Variants in EYA1 observed in about 807,000 individuals in gnomAD.
The protein encoded by EYA1 is EYA transcriptional coactivator and phosphatase 1.
Under a neutral mutation model 82.0 loss-of-function variants are expected in EYA1, and 16 were observed. That is an observed-to-expected ratio of 0.20 (90% CI 0.13 to 0.30). The LOEUF is 0.30. Ranked by LOEUF, EYA1 falls within the 10% of genes least tolerant of loss-of-function variation. The pLI is 1.00. For missense variants in EYA1, 633 were observed against 730.7 expected (o/e 0.87, Z 1.54); for synonymous variants, 261 against 264.4 (o/e 0.99, Z 0.12).
chr8:71,278,767 A>G (rs1312368962), intron 9 of EYA1, among the ~76,000 whole-genome samples: 1 of 152,198 alleles, frequency 6.6e-6, no homozygotes, highest in Non-Finnish European at 1.5e-5. Context: ...AGATTTAGAG[A>G]TAAGTGTTCA....
intron 11 of EYA1, among the ~76,000 whole-genome samples, chr8:71,245,443 A>G (rs1203320374): frequency 6.6e-6 from 1 of 151,464 alleles, no homozygotes; most frequent in East Asian, 1.9e-4. Context: ...GTTGGCCAGG[A>G]TGGTCTTGAT....
intron 12 of EYA1, among the ~76,000 whole-genome samples, chr8:71,233,347 G>A (rs1474527429): frequency 2.6e-5 from 4 of 151,928 alleles, no homozygotes; most frequent in Admixed American, 6.6e-5. Context: ...GGCAGATCAC[G>A]AGGTCAGGAG....
chr8:71,270,856 C>T (rs1238226481), intron 10 of EYA1, among the ~76,000 whole-genome samples: 9 of 151,980 alleles, frequency 5.9e-5, no homozygotes, highest in African/African-American at 1.9e-4. Context: ...CGTGGTGGCT[C>T]GTGCCTGTAA....
Position 71,240,529 on chromosome 8 carries a change from C to T in EYA1, c.1140+4074G>A, listed in dbSNP as rs193091757. On this transcript the variant is annotated intron_variant, in intron 12 of 17. Transcript: ENST00000340726. ...TTCATGTGCCACCATCTCACAGACA[C>T]GAGAGGAGGGTTCCCACTCTTCCCA... 7.2e-5 allele frequency among the ~76,000 whole-genome samples: 11 copies of T among 152,200 alleles called. 1 individual carries two copies. The highest frequency in any genetic ancestry group is 4.2e-4 in the South Asian group (2 of 4,816).
chr8:71,349,150 T>C (rs997189359), intron 3 of EYA1, among the ~76,000 whole-genome samples: 13 of 152,144 alleles, frequency 8.5e-5, no homozygotes, highest in African/African-American at 3.1e-4. Context: ...AATGATGCAA[T>C]ACAATGTGCA....
rs140041758 is a variant in EYA1, at chr8:71,264,218, C to T, written c.1050+5522G>A. Among the ~76,000 whole-genome samples the T allele has an allele frequency of 4.0e-3, 606 of 152,280 alleles. 2 individuals are homozygous for T. Among genetic ancestry groups the T allele is most frequent in the Admixed American group, 5.8e-3 (88 of 15,300 alleles). On this transcript the variant is annotated intron_variant, in intron 11 of 17. Coordinates refer to ENST00000340726, the MANE Select transcript of EYA1 (RefSeq NM_000503.6). ...CTAAGAGTTTAGCTTCTTCATCAAC[C>T]ACCATGGAAGAAAATCCTCCACCAA...
chr8:71,205,121 G>A (rs537356832), intron 17 of EYA1, among the ~76,000 whole-genome samples: 2 of 152,216 alleles, frequency 1.3e-5, no homozygotes, highest in Admixed American at 6.5e-5. Context: ...CTTCATCTTG[G>A]ATTTCAGCAA....
chr8:71,341,197 C>A (rs576866228), intron 3 of EYA1, among the ~76,000 whole-genome samples: 2 of 152,260 alleles, frequency 1.3e-5, no homozygotes, highest in East Asian at 3.9e-4. Context: ...TGTAATAATT[C>A]ATGGGACATG....
intron 9 of EYA1, among the ~76,000 whole-genome samples, chr8:71,279,687 A>G (rs1817598056): frequency 6.6e-6 from 1 of 152,236 alleles, no homozygotes; most frequent in Admixed American, 6.5e-5. Context: ...ACAAAGAAAT[A>G]TAATCAAAAT....
chr8:71,348,162 AGAG>A lies in EYA1; in HGVS notation c.124+6617_124+6619del, dbSNP rs1381328302. Among the ~76,000 whole-genome samples the A allele has an allele frequency of 3.9e-5, 6 of 152,318 alleles. No individual in the cohort carries two copies. The East Asian group carries it at 1.2e-3, about 29-fold the overall frequency. ...TTATATTGTACGCTTAGAGTGAAAG[AGAG>A]GAGAATGAATTACTCTTGACCCTTA... On this transcript the variant is annotated intron_variant, in intron 3 of 17. Transcript: ENST00000340726.
intron 9 of EYA1, among the ~76,000 whole-genome samples, chr8:71,280,725 A>G (rs1817718313): frequency 1.3e-5 from 2 of 152,154 alleles, no homozygotes; most frequent in Admixed American, 1.3e-4. Context: ...CGATAAAAGG[A>G]GAACAATGTT....
At chr8:71,447,993 C>A (rs2129176408) in intron 2 of EYA1, among the ~76,000 whole-genome samples, 2 of 100,378 alleles carry the variant, frequency 2.0e-5, no homozygotes, top group Middle Eastern at 4.5e-3. Context: ...GCATGGAATG[C>A]AAAGCTGTTT....
At chr8:71,238,497 T>C (rs891881306) in intron 12 of EYA1, among the ~76,000 whole-genome samples, 1 of 152,126 alleles carries the variant, frequency 6.6e-6, no homozygotes, top group African/African-American at 2.4e-5. Flanking sequence ...TTTATATCTC[T>C]CAGTAAGATG....
rs550546728 is a variant in EYA1 at position 71,277,443 on chromosome 8, C to A, written c.827-5546G>T. Reference sequence around the variant, plus strand: ...CTAGGATTACAGGCATGAGCCAATGCACCTGGCCCTTGTCTCCTTTTCTCA... The same window carrying A: ...CTAGGATTACAGGCATGAGCCAATGAACCTGGCCCTTGTCTCCTTTTCTCA... On this transcript the variant is annotated intron_variant, in intron 9 of 17. Coordinates refer to ENST00000340726, the MANE Select transcript of EYA1 (RefSeq NM_000503.6). Among the ~76,000 whole-genome samples the A allele has an allele frequency of 1.9e-4, 29 of 152,260 alleles. No homozygotes were observed. The East Asian group carries it at 3.1e-3, about 16-fold the overall frequency.
chr8:71,257,102 G>A (rs1814532158), intron 11 of EYA1, among the ~76,000 whole-genome samples: 1 of 152,126 alleles, frequency 6.6e-6, no homozygotes, highest in African/African-American at 2.4e-5. Context: ...CTAAGGTGCT[G>A]AATACTATTT....
chr8:71,489,545 T>C (rs76947647), intron 2 of EYA1, among the ~76,000 whole-genome samples: 2 of 152,238 alleles, frequency 1.3e-5, no homozygotes, highest in East Asian at 3.8e-4. Context: ...TCTCTTTAAC[T>C]GTAGTCTAAG....
At chr8:71,223,371 T>C (rs1410744303) in intron 12 of EYA1, among the ~76,000 whole-genome samples, 1 of 152,150 alleles carries the variant, frequency 6.6e-6, no homozygotes, top group Non-Finnish European at 1.5e-5. Context: ...GAAATGACCA[T>C]GGTCTACCCT....
At chr8:71,411,573 C>T (rs1175480693) in intron 2 of EYA1, among the ~76,000 whole-genome samples, 2 of 151,034 alleles carry the variant, frequency 1.3e-5, no homozygotes, top group Non-Finnish European at 2.9e-5. Context: ...GGGCGAAGGA[C>T]ATGAACAGAC....
chr8:71,291,917 A>T (rs1284382287), intron 9 of EYA1, among the ~76,000 whole-genome samples: 1 of 152,156 alleles, frequency 6.6e-6, no homozygotes, highest in Non-Finnish European at 1.5e-5. Flanking sequence ...TTGTGATGAT[A>T]GCTATCAAAA....
Sources: allele counts gnomAD v4.1 joint callset (sites outside exome capture counted in the v4.1 genomes callset), GRCh38; gene constraint gnomAD v4.1.1; transcripts MANE v1.5; gene names NCBI Gene and HGNC (gene_info 2026-07-23, HGNC 2026-07-21).